Variants in RCOR1 observed in about 807,000 individuals in gnomAD.
The protein encoded by RCOR1 is REST corepressor 1.
RCOR1 carries 12 observed loss-of-function variants against 64.0 expected under a neutral mutation model. That is an observed-to-expected ratio of 0.19 (90% CI 0.12 to 0.30). The LOEUF (loss-of-function observed/expected upper bound fraction) is 0.30, where lower values mean the gene tolerates loss of function less well. Ranked by LOEUF, RCOR1 falls within the 10% of genes least tolerant of loss-of-function variation. RCOR1 has a pLI of 1.00. For missense variants in RCOR1, 502 were observed against 621.2 expected, an observed-to-expected ratio of 0.81 and a Z score of 2.04; for synonymous variants, 279 against 227.2, an observed-to-expected ratio of 1.23 and a Z score of -2.05.
In RCOR1 at chr14:102,726,596, A is replaced by C. The variant is rs1896269330; in HGVS notation, c.*90A>C. 1 of 1,095,098 alleles carries C rather than the reference A, an allele frequency of 9.1e-7. No individual in the cohort carries two copies. The highest frequency in any genetic ancestry group is 1.4e-6 in the Non-Finnish European group (1 of 737,152). The allele number at this position is 1,095,098 out of a possible 1,614,324, so 67.8% of individuals were successfully genotyped here. A position where few individuals can be genotyped will look rare whatever the true frequency, so the allele number is the denominator to read the frequency against. ...GACATCACCTAGCCATCTGCATCAC[A>C]TCTCTCTGGACAAGCAGCTATTACC... On this transcript the variant is annotated 3_prime_UTR_variant, in exon 12 of 12. Transcript: ENST00000262241.
intron 2 of RCOR1, among the ~76,000 whole-genome samples, chr14:102,596,561 TTTC>T (rs1175902447): frequency 6.6e-6 from 1 of 152,108 alleles, no homozygotes; most frequent in African/African-American, 2.4e-5. Context: ...TACTTGTTTT[TTTC>T]TTTTTTCTTT....
chr14:102,681,309 G>A (rs772916377), intron 2 of RCOR1, among the ~76,000 whole-genome samples: 18 of 152,150 alleles, frequency 1.2e-4, no homozygotes, highest in African/African-American at 4.1e-4. Flanking sequence ...TCGAGTCTTT[G>A]CCTTCTGAAG....
intron 2 of RCOR1, among the ~76,000 whole-genome samples, chr14:102,623,376 T>C (rs1335314374): frequency 3.0e-5 from 4 of 133,528 alleles, no homozygotes; most frequent in Non-Finnish European, 4.7e-5. Context: ...ATTTACTTCC[T>C]TTATTTATTT....
intron 2 of RCOR1, among the ~76,000 whole-genome samples, chr14:102,639,107 T>C (rs1321715653): frequency 6.6e-6 from 1 of 152,220 alleles, no homozygotes; most frequent in Non-Finnish European, 1.5e-5. Context: ...GCTAGGCAGA[T>C]CTAGCTTGTA....
chr14:102,721,293 G>A (rs201146195), intron 9 of RCOR1, 27 bp from the exon 10 acceptor site: 46 of 1,598,420 alleles, frequency 2.9e-5, no homozygotes, highest in Non-Finnish European at 3.8e-5. Context: ...AATGTAATGT[G>A]CTAAAATGAC....
intron 3 of RCOR1, among the ~76,000 whole-genome samples, chr14:102,683,608 A>G (rs987831079): frequency 2.0e-5 from 3 of 152,216 alleles, no homozygotes; most frequent in Admixed American, 6.5e-5. Flanking sequence ...AATGTGGGCA[A>G]CTTCTCTTGG....
At position 102,593,307 on chromosome 14, in the gene RCOR1, G is replaced by A. The variant is rs765287651; in HGVS notation, c.343G>A (p.Val115Met). The change falls in exon 2 of 12, where the codon GTG (valine) becomes ATG (methionine). Residue 115 changes from valine to methionine, a missense_variant. Coordinates refer to ENST00000262241, the MANE Select transcript of RCOR1 (RefSeq NM_015156.4). The part of the protein sequence containing the change: ...MRVGPQYQAV[V>M]PDFDPAKLAR... ...GGTCGGACCCCAGTACCAGGCGGTG[G>A]TGCCCGACTTCGACCCCGGTGAGTA... 4.5e-6 allele frequency: 7 copies of A among 1,548,698 alleles called. No homozygotes were observed. The highest frequency in any genetic ancestry group is 6.1e-6 in the Non-Finnish European group (7 of 1,153,902).
rs1394799798 is a variant in RCOR1 at position 102,609,040 on chromosome 14, TTTTTTTTTTA to T, written c.361+15716_361+15725del. On this transcript the variant is annotated intron_variant, in intron 2 of 11. Transcript: ENST00000262241. ...CTGTGCTTCACTTTTTTTTTTTTTT[TTTTTTTTTTA>T]AATTTTTATTTTGAGACAGGCTCTT... Among the ~76,000 whole-genome samples the T allele has an allele frequency of 8.7e-3, 1,313 of 150,806 alleles. 19 individuals carry two copies. Among genetic ancestry groups the T allele is most frequent in the African/African-American group, 0.03 (1,244 of 41,094 alleles).
intron 2 of RCOR1, among the ~76,000 whole-genome samples, chr14:102,677,426 G>A (rs1895205613): frequency 1.4e-5 from 2 of 140,868 alleles, no homozygotes; most frequent in African/African-American, 5.5e-5. Context: ...CGGACGGAGG[G>A]GCTCCTCACT....
intron 3 of RCOR1, among the ~76,000 whole-genome samples, chr14:102,700,814 G>A (rs1318657980): frequency 6.6e-6 from 1 of 151,832 alleles, no homozygotes; most frequent in Non-Finnish European, 1.5e-5. Context: ...GTCTTGTACA[G>A]GACAAGTGTA....
chr14:102,637,195 C>T lies in RCOR1; in HGVS notation c.361+43870C>T, dbSNP rs189140458. ...AGGCTGGAGTGCAGTGGCACAATCT[C>T]GGCTCACGGCAACCTCCGCCTCCTG... On this transcript the variant is annotated intron_variant, in intron 2 of 11. Transcript: ENST00000262241. Among the ~76,000 whole-genome samples the T allele has an allele frequency of 3.9e-3, 587 of 149,336 alleles. 2 individuals carry two copies. Among genetic ancestry groups the T allele is most frequent in the African/African-American group, 0.014 (563 of 40,598 alleles).
intron 3 of RCOR1, among the ~76,000 whole-genome samples, chr14:102,685,485 C>CTT (rs200809707): frequency 5.1e-4 from 71 of 139,682 alleles, no homozygotes; most frequent in African/African-American, 1.6e-3. Flanking sequence ...TTGTACATTT[C>CTT]TTTTTTTTTT....
chr14:102,658,656 G>A, intron 2 of RCOR1: 1 of 981,822 alleles, frequency 1.0e-6, no homozygotes, highest in Non-Finnish European at 1.2e-6. Flanking sequence ...TCACCAAGGT[G>A]TGCTTGTCAA....
At position 102,681,805 on chromosome 14, in the gene RCOR1, G is replaced by A. The variant is rs1003074781; in HGVS notation, c.362-90G>A. 6.7e-6 allele frequency: 6 copies of A among 900,484 alleles called. No homozygotes were observed. The African/African-American group carries it at 8.3e-5, about 12-fold the overall frequency. 55.8% of individuals were successfully genotyped at this position (900,484 alleles called of 1,614,324 possible). ...CCATTGGGCCAGATACAGGTAAAAA[G>A]GTGGGTGATGTCATTAAAAGGTATT... On this transcript the variant is annotated intron_variant, in intron 2 of 11. Coordinates refer to ENST00000262241, the MANE Select transcript of RCOR1 (RefSeq NM_015156.4).
chr14:102,612,826 G>A (rs1417723409), intron 2 of RCOR1, among the ~76,000 whole-genome samples: 4 of 151,570 alleles, frequency 2.6e-5, no homozygotes, highest in African/African-American at 9.7e-5. Context: ...TTGTCTCTAC[G>A]TGCACCTGTA....
chr14:102,643,332 T>C lies in RCOR1; in HGVS notation c.362-38563T>C, dbSNP rs955427463. 6.1e-6 allele frequency: 6 copies of C among 980,420 alleles called. No individual in the cohort carries two copies. The Admixed American group carries it at 3.1e-4, about 50-fold the overall frequency. The allele number at this position is 980,420 out of a possible 1,614,324, so 60.7% of individuals were successfully genotyped here. On this transcript the variant is annotated intron_variant, in intron 2 of 11. Transcript: ENST00000262241. ...TTAGAAAAGATGTGAACAAACCTTATAGAGCTTCCAGGAAAGGAAGAAAGG... is the reference window on the plus strand; with the variant it reads ...TTAGAAAAGATGTGAACAAACCTTACAGAGCTTCCAGGAAAGGAAGAAAGG...
intron 2 of RCOR1, chr14:102,657,443 T>C: frequency 1.0e-6 from 1 of 985,132 alleles, no homozygotes; most frequent in Non-Finnish European, 1.2e-6. Context: ...TTAAGACTAA[T>C]ATAACACAGA....
At chr14:102,599,844 A>G (rs1893349473) in intron 2 of RCOR1, among the ~76,000 whole-genome samples, 1 of 147,520 alleles carries the variant, frequency 6.8e-6, no homozygotes, top group African/African-American at 2.5e-5. Context: ...GCTCTGTCAC[A>G]CAGGCTAGAG....
intron 2 of RCOR1, among the ~76,000 whole-genome samples, chr14:102,596,104 AT>A (rs776775021): frequency 0.033 from 4,618 of 141,796 alleles, 152 homozygotes; most frequent in African/African-American, 0.083. Context: ...ATGATACAAC[AT>A]TTTTTTTTTT....
Sources: allele counts gnomAD v4.1 joint callset (sites outside exome capture counted in the v4.1 genomes callset), GRCh38; gene constraint gnomAD v4.1.1; transcripts MANE v1.5; gene names NCBI Gene and HGNC (gene_info 2026-07-23, HGNC 2026-07-21).